The following LYPD6B variants were observed in gnomAD, a reference collection of about 807,000 sequenced individuals.
LYPD6B encodes LY6/PLAUR domain containing 6B, also known as ly6/PLAUR domain-containing protein 6B.
Under a neutral mutation model 22.8 loss-of-function variants are expected in LYPD6B, and 17 were observed. The ratio of observed to expected loss-of-function variants is 0.75; its 90% CI spans 0.51 to 1.12. The LOEUF is 1.12. LYPD6B is among the 50% of genes most tolerant of loss of function. LYPD6B has a pLI of 0.00. For missense variants in LYPD6B, 221 were observed against 258.3 expected (o/e 0.86, Z 0.99); for synonymous variants, 106 against 91.6 (o/e 1.16, Z -0.90).
rs1314749311 is a variant in LYPD6B, at chr2:149,053,797, C to A, written c.-67+14996C>A. 3.3e-5 allele frequency among the ~76,000 whole-genome samples: 5 copies of A among 152,172 alleles called. No homozygotes were observed. In the East Asian group the frequency reaches 9.6e-4, roughly 29 times the overall value. On this transcript the variant is annotated intron_variant, in intron 1 of 6. Coordinates refer to ENST00000409642, the MANE Select transcript of LYPD6B (RefSeq NM_177964.5). ...TCCACTTTCTGTCTTGATGGATTTG[C>A]CTTTGCCTGCTCTGGACATTTCATA...
At chr2:149,159,374 T>C (rs1689902871) in intron 2 of LYPD6B, among the ~76,000 whole-genome samples, 1 of 152,214 alleles carries the variant, frequency 6.6e-6, no homozygotes, top group Non-Finnish European at 1.5e-5. Context: ...ACTAGCATGC[T>C]CAGAGCCTAA....
intron 2 of LYPD6B, among the ~76,000 whole-genome samples, chr2:149,149,191 G>GT (rs747749075): frequency 1.3e-5 from 2 of 151,934 alleles, no homozygotes; most frequent in Non-Finnish European, 2.9e-5. Flanking sequence ...AAAAGTAATG[G>GT]CAAAACTGCA....
At chr2:149,091,792 A>G (rs980197018) in intron 1 of LYPD6B, among the ~76,000 whole-genome samples, 1 of 152,204 alleles carries the variant, frequency 6.6e-6, no homozygotes, top group African/African-American at 2.4e-5. Flanking sequence ...TTTGAAATAA[A>G]ATGTAGAGAA....
intron 1 of LYPD6B, among the ~76,000 whole-genome samples, chr2:149,053,385 A>G (rs746849922): frequency 4.3e-4 from 65 of 152,222 alleles, no homozygotes; most frequent in Non-Finnish European, 4.9e-4. Flanking sequence ...TTTTGATACT[A>G]TAAACAACAT....
At chr2:149,189,269 T>C (rs1362102585) in intron 3 of LYPD6B, among the ~76,000 whole-genome samples, 7 of 148,256 alleles carry the variant, frequency 4.7e-5, no homozygotes, top group Non-Finnish European at 5.9e-5. Context: ...ATAAAATAAA[T>C]TGTCTATTCA....
At chr2:149,158,185 T>C (rs891855942) in intron 2 of LYPD6B, among the ~76,000 whole-genome samples, 2 of 152,212 alleles carry the variant, frequency 1.3e-5, no homozygotes, top group Non-Finnish European at 2.9e-5. Context: ...CTTCTACCTC[T>C]TACATATGGT....
rs386391471 is a variant in LYPD6B, at chr2:149,135,719, C to CAAA, written c.5+4791_5+4793dup. On this transcript the variant is annotated intron_variant, in intron 2 of 6. Coordinates refer to ENST00000409642, the MANE Select transcript of LYPD6B (RefSeq NM_177964.5). Reference sequence around the variant, plus strand: ...TGGGCAACAGAGGGAGACCATGTCTCAAAAAAAAAAAAAAAAAAAAAAAAA... The same window carrying CAAA: ...TGGGCAACAGAGGGAGACCATGTCTCAAAAAAAAAAAAAAAAAAAAAAAAAAAA... Among the ~76,000 whole-genome samples, 270 of 32,212 alleles carry CAAA rather than the reference C, an allele frequency of 8.4e-3. 35 individuals are homozygous for CAAA. Among genetic ancestry groups the CAAA allele is most frequent in the African/African-American group, 0.015 (142 of 9,782 alleles). The allele number at this position is 32,212 out of a possible 152,430, so 21.1% of individuals were successfully genotyped here. A position where few individuals can be genotyped will look rare whatever the true frequency, so the allele number is the denominator to read the frequency against.
intron 1 of LYPD6B, among the ~76,000 whole-genome samples, chr2:149,124,269 C>G (rs371893991): frequency 3.9e-5 from 6 of 152,178 alleles, no homozygotes; most frequent in African/African-American, 1.2e-4. Context: ...TTTCTGGGGC[C>G]GAGACCAACT....
chr2:149,099,039 G>T (rs1315211300), intron 1 of LYPD6B, among the ~76,000 whole-genome samples: 1 of 152,092 alleles, frequency 6.6e-6, no homozygotes, highest in Admixed American at 6.5e-5. Context: ...ACTTTTGAAG[G>T]TCTACTGCCC....
At chr2:149,195,234 A>G (rs1236518862) in intron 3 of LYPD6B, among the ~76,000 whole-genome samples, 2 of 152,222 alleles carry the variant, frequency 1.3e-5, no homozygotes, top group Non-Finnish European at 2.9e-5. Flanking sequence ...TTGCTAAGCA[A>G]GGAAGGACAG....
chr2:149,104,275 G>A (rs1340607514), intron 1 of LYPD6B, among the ~76,000 whole-genome samples: 1 of 152,170 alleles, frequency 6.6e-6, no homozygotes, highest in Non-Finnish European at 1.5e-5. Flanking sequence ...ACAGCTAGGA[G>A]TGCAATGGCT....
At chr2:149,125,263 A>G (rs1041092406) in intron 1 of LYPD6B, among the ~76,000 whole-genome samples, 6 of 152,158 alleles carry the variant, frequency 3.9e-5, no homozygotes, top group African/African-American at 7.2e-5. Context: ...GGCCCCGACA[A>G]AGCCCTTCAC....
chr2:149,099,658 A>G (rs1351505794), intron 1 of LYPD6B, among the ~76,000 whole-genome samples: 3 of 152,190 alleles, frequency 2.0e-5, no homozygotes, highest in Admixed American at 6.5e-5. Flanking sequence ...AACCTTGTCC[A>G]TGGCACCAGG....
chr2:149,186,635 C>T (rs1692125206), intron 3 of LYPD6B, among the ~76,000 whole-genome samples: 1 of 152,184 alleles, frequency 6.6e-6, no homozygotes, highest in Non-Finnish European at 1.5e-5. Context: ...AAAAAAGTCT[C>T]ACTCTGTCAC....
chr2:149,068,408 C>G (rs1239809674), intron 1 of LYPD6B, among the ~76,000 whole-genome samples: 1 of 152,144 alleles, frequency 6.6e-6, no homozygotes, highest in Non-Finnish European at 1.5e-5. Context: ...ACAAGTATTT[C>G]TGAATTTTCA....
intron 1 of LYPD6B, among the ~76,000 whole-genome samples, chr2:149,069,062 C>T (rs1684473333): frequency 6.6e-6 from 1 of 151,786 alleles, no homozygotes; most frequent in African/African-American, 2.4e-5. Flanking sequence ...ACCCCCACCC[C>T]GAAGTTCTTT....
At chr2:149,160,882 G>T (rs1183731597) in intron 3 of LYPD6B, 47 bp downstream of exon 3, 2 of 1,388,900 alleles carry the variant, frequency 1.4e-6, no homozygotes, top group Non-Finnish European at 2.0e-6. Context: ...TCATTTGGGA[G>T]CTCTGGTTAA....
At chr2:149,188,083 T>C (rs952547737) in intron 3 of LYPD6B, among the ~76,000 whole-genome samples, 1 of 152,250 alleles carries the variant, frequency 6.6e-6, no homozygotes, top group Non-Finnish European at 1.5e-5. Flanking sequence ...GGAAGCATTT[T>C]TGTAAAATTG....
intron 2 of LYPD6B, among the ~76,000 whole-genome samples, chr2:149,158,008 G>A (rs1689815395): frequency 6.6e-6 from 1 of 152,160 alleles, no homozygotes; most frequent in Admixed American, 6.6e-5. Context: ...GGATATTGTA[G>A]TCTCGCTTCA....
Sources: allele counts gnomAD v4.1 joint callset (sites outside exome capture counted in the v4.1 genomes callset), GRCh38; gene constraint gnomAD v4.1.1; transcripts MANE v1.5; gene names NCBI Gene and HGNC (gene_info 2026-07-23, HGNC 2026-07-21).